MLLT3: variants seen among roughly 807,000 people sequenced by gnomAD.
The protein encoded by MLLT3 is protein AF-9.
In MLLT3, 4 loss-of-function variants were observed where a neutral mutation model predicts 53.2. The observed-to-expected ratio is 0.08, with a 90% confidence interval of 0.04 to 0.17. MLLT3 has a LOEUF of 0.17. MLLT3 is among the 10% of genes least tolerant of loss of function. The pLI is 1.00. For synonymous variants in MLLT3, 283 were observed against 230.6 expected (o/e 1.23, Z -2.06); for missense variants, 569 against 684.0 (o/e 0.83, Z 1.87).
intron 2 of MLLT3, among the ~76,000 whole-genome samples, chr9:20,547,331 G>A (rs1304582522): frequency 6.6e-6 from 1 of 151,760 alleles, no homozygotes; most frequent in Admixed American, 6.6e-5. Flanking sequence ...ACCATGCCCG[G>A]CCCTCATACT....
intron 2 of MLLT3, among the ~76,000 whole-genome samples, chr9:20,484,910 T>C (rs544912614): frequency 3.3e-5 from 5 of 152,194 alleles, no homozygotes; most frequent in African/African-American, 4.8e-5. Context: ...GGAGTATGTA[T>C]GGTAAAGGTC....
At chr9:20,622,137 T>G (rs1281256096) in intron 1 of MLLT3, 108 bp downstream of exon 1, 20 of 1,285,356 alleles carry the variant, frequency 1.6e-5, no homozygotes, top group African/African-American at 3.0e-5. Context: ...CGTACCAACC[T>G]TTCTCTAATT....
chr9:20,396,953 C>T (rs902042473), intron 5 of MLLT3, among the ~76,000 whole-genome samples: 2 of 152,152 alleles, frequency 1.3e-5, no homozygotes, highest in African/African-American at 4.8e-5. Context: ...TAAACACATA[C>T]ACACACTTTA....
intron 2 of MLLT3, among the ~76,000 whole-genome samples, chr9:20,483,500 C>T (rs1478223438): frequency 2.6e-5 from 4 of 151,394 alleles, no homozygotes; most frequent in African/African-American, 4.9e-5. Context: ...CCCAAAATGC[C>T]GGGATTACAG....
intron 6 of MLLT3, among the ~76,000 whole-genome samples, chr9:20,365,155 G>A (rs1261397919): frequency 1.3e-5 from 2 of 152,158 alleles, no homozygotes; most frequent in Non-Finnish European, 2.9e-5. Flanking sequence ...TTGTAGCAAT[G>A]ACAATCTGAT....
intron 2 of MLLT3, among the ~76,000 whole-genome samples, chr9:20,548,065 T>A (rs547248974): frequency 3.4e-4 from 52 of 152,386 alleles, no homozygotes; most frequent in African/African-American, 1.2e-3. Context: ...AAAAAAACTT[T>A]ACAGTTGAAA....
chr9:20,501,343 T>G (rs1315054728), intron 2 of MLLT3, among the ~76,000 whole-genome samples: 1 of 152,094 alleles, frequency 6.6e-6, no homozygotes, highest in Non-Finnish European at 1.5e-5. Flanking sequence ...AATAAGACAG[T>G]TTCCTTCCCC....
intron 2 of MLLT3, among the ~76,000 whole-genome samples, chr9:20,491,256 T>A (rs961134222): frequency 5.9e-5 from 9 of 152,176 alleles, no homozygotes; most frequent in Non-Finnish European, 8.8e-5. Flanking sequence ...TTAATTTTTT[T>A]AATTCTTATC....
At chr9:20,536,641 G>A (rs1818493273) in intron 2 of MLLT3, among the ~76,000 whole-genome samples, 1 of 152,170 alleles carries the variant, frequency 6.6e-6, no homozygotes. Flanking sequence ...GCATAATACT[G>A]TAATCAAAGT....
In MLLT3 at chr9:20,433,912, A is replaced by G. The variant is rs575565932; in HGVS notation, c.420+14211T>C. Among the ~76,000 whole-genome samples, 16 of 151,480 alleles carry G rather than the reference A, an allele frequency of 1.1e-4. No individual in the cohort carries two copies. The South Asian group carries it at 1.9e-3, about 18-fold the overall frequency. On this transcript the variant is annotated intron_variant, in intron 4 of 10. Coordinates refer to ENST00000380338, the MANE Select transcript of MLLT3 (RefSeq NM_004529.4). ...AGCAGATCATGAGGTCAAGAGATCG[A>G]GACCATACTGGCCAACATGATGAAA...
At chr9:20,520,924 A>T (rs1210435015) in intron 2 of MLLT3, among the ~76,000 whole-genome samples, 2 of 152,222 alleles carry the variant, frequency 1.3e-5, no homozygotes, top group East Asian at 1.9e-4. Context: ...GAGAAGCAGG[A>T]CATGTAGAAT....
At chr9:20,483,293 G>T (rs1423859651) in intron 2 of MLLT3, among the ~76,000 whole-genome samples, 1 of 151,754 alleles carries the variant, frequency 6.6e-6, no homozygotes, top group Non-Finnish European at 1.5e-5. Flanking sequence ...GGAGTGCAGT[G>T]GTGCAGTCAT....
intron 2 of MLLT3, among the ~76,000 whole-genome samples, chr9:20,546,333 G>T (rs1022452418): frequency 6.6e-6 from 1 of 152,116 alleles, no homozygotes; most frequent in Non-Finnish European, 1.5e-5. Context: ...GAGGCCCAGA[G>T]TTTGAAACCA....
chr9:20,466,769 A>C (rs1259949347), intron 2 of MLLT3, among the ~76,000 whole-genome samples: 1 of 152,106 alleles, frequency 6.6e-6, no homozygotes, highest in Non-Finnish European at 1.5e-5. Context: ...AACATAAATG[A>C]AAGAGAAATC....
At chr9:20,418,422 G>A (rs1328581800) in intron 4 of MLLT3, 1 of 152,222 alleles carries the variant, frequency 6.6e-6, no homozygotes, top group Non-Finnish European at 1.5e-5. Context: ...GAATTCTGGG[G>A]TCAGGGGAGG....
intron 5 of MLLT3, among the ~76,000 whole-genome samples, chr9:20,380,950 A>T (rs1366385711): frequency 3.3e-5 from 5 of 152,012 alleles, no homozygotes; most frequent in South Asian, 4.1e-4. Flanking sequence ...AAACTGCAGA[A>T]TTCTCTGAGA....
chr9:20,565,988 TTATATATTTATTTATA>T (rs1563820699), intron 2 of MLLT3, among the ~76,000 whole-genome samples: 1 of 69,440 alleles, frequency 1.4e-5, no homozygotes, highest in East Asian at 3.9e-4. Context: ...ATATATTTAT[TTATATATTTATTTATA>T]TATATATTTT....
At chr9:20,393,569 G>A (rs1431912012) in intron 5 of MLLT3, among the ~76,000 whole-genome samples, 14 of 152,176 alleles carry the variant, frequency 9.2e-5, no homozygotes, top group Admixed American at 9.2e-4. Flanking sequence ...ATTAAATACA[G>A]GTCTGAATGT....
At chr9:20,485,049 C>T (rs903896331) in intron 2 of MLLT3, among the ~76,000 whole-genome samples, 3 of 151,148 alleles carry the variant, frequency 2.0e-5, no homozygotes, top group Admixed American at 6.6e-5. Flanking sequence ...AGTGCAGTGG[C>T]GCAATCTTGG....
Sources: gnomAD v4.1 joint callset for allele counts (sites outside exome capture counted in the v4.1 genomes callset) on GRCh38, gnomAD v4.1.1 for gene constraint, MANE v1.5 for transcripts, NCBI Gene and HGNC (gene_info 2026-07-23, HGNC 2026-07-21) for gene names.